The following CUEDC1 variants were observed in gnomAD, a reference collection of about 807,000 sequenced individuals.
CUEDC1 encodes CUE domain containing 1, also known as CUE domain-containing protein 1.
In CUEDC1, 30 loss-of-function variants were observed where a neutral mutation model predicts 43.7. The ratio of observed to expected loss-of-function variants is 0.69; its 90% CI spans 0.51 to 0.93. The LOEUF (loss-of-function observed/expected upper bound fraction) is 0.93, where lower values mean the gene tolerates loss of function less well. Among genes scored for constraint, CUEDC1 ranks in the 40% least tolerant of loss-of-function variants. The pLI is 0.00. For synonymous variants in CUEDC1, 223 were observed against 223.6 expected, an observed-to-expected ratio of 1.00 and a Z score of 0.02; for missense variants, 486 against 549.0, an observed-to-expected ratio of 0.89 and a Z score of 1.15.
At chr17:57,914,613 AG>A (rs747406491) in intron 1 of CUEDC1, among the ~76,000 whole-genome samples, 7 of 152,226 alleles carry the variant, frequency 4.6e-5, no homozygotes, top group Non-Finnish European at 1.0e-4. Context: ...GAAAAGGGAC[AG>A]GGATAATGCT....
intron 3 of CUEDC1, among the ~76,000 whole-genome samples, chr17:57,879,216 C>T (rs996367922): frequency 1.3e-5 from 2 of 152,136 alleles, no homozygotes; most frequent in East Asian, 3.9e-4. Context: ...CTTGACTCAG[C>T]AGGAAAGAGC....
In CUEDC1 at chr17:57,954,993, C is replaced by A. The variant is rs1242778548; in HGVS notation, c.-316+232G>T. Among the ~76,000 whole-genome samples, 1 of 151,458 alleles carries A rather than the reference C, an allele frequency of 6.6e-6. No homozygotes were observed. Among genetic ancestry groups the A allele is most frequent in the African/African-American group, 2.4e-5 (1 of 41,320 alleles). ...CCCGGGGCCCGGGATGAGGTGGGGG[C>A]TCGGGAAGGAAGGGCGGGCGGGGAC... On this transcript the variant is annotated intron_variant, in intron 1 of 10. Transcript: ENST00000577830. The surrounding 1 kb of genome is among the most constrained non-coding windows in gnomAD (Gnocchi z 4.3).
At chr17:57,888,182 C>T (rs1472650645) in intron 1 of CUEDC1, among the ~76,000 whole-genome samples, 1 of 152,188 alleles carries the variant, frequency 6.6e-6, no homozygotes, top group Non-Finnish European at 1.5e-5. Flanking sequence ...GGATTACAGG[C>T]GTGAGCCACT....
chr17:57,947,167 T>C (rs2143234390), intron 1 of CUEDC1, among the ~76,000 whole-genome samples: 1 of 149,874 alleles, frequency 6.7e-6, no homozygotes. Flanking sequence ...AAAAAAAAGC[T>C]TTGCAGTGCC....
chr17:57,875,620 C>T (rs1401383012), intron 3 of CUEDC1, among the ~76,000 whole-genome samples: 2 of 151,882 alleles, frequency 1.3e-5, no homozygotes, highest in African/African-American at 4.8e-5. Context: ...AACGGAAAAA[C>T]AGCAGGCGGC....
intron 4 of CUEDC1, among the ~76,000 whole-genome samples, 174 bp downstream of exon 4, chr17:57,873,417 G>A (rs1002859275): frequency 2.0e-5 from 3 of 152,216 alleles, no homozygotes; most frequent in Admixed American, 6.5e-5. Context: ...TCCAGGCCCA[G>A]GCAGGAAGTG....
In CUEDC1 at chr17:57,885,783, G is replaced by A; in HGVS notation, c.-219C>T. ...GCAGCCCTTGGAGAGCGGTCCTCGC[G>A]GGGCGGTGGCATGCGGGACCGGGCC... On this transcript the variant is annotated 5_prime_UTR_variant, in exon 2 of 11. Coordinates refer to ENST00000577830, the MANE Select transcript of CUEDC1 (RefSeq NM_001271875.2). 6 of 574,958 alleles carry A rather than the reference G, an allele frequency of 1.0e-5. No individual in the cohort carries two copies. The highest frequency in any genetic ancestry group is 4.6e-5 in the Admixed American group (1 of 21,632). 35.6% of individuals were successfully genotyped at this position (574,958 alleles called of 1,614,324 possible). A position where few individuals can be genotyped will look rare whatever the true frequency, so the allele number is the denominator to read the frequency against.
At position 57,885,340 on chromosome 17, in the gene CUEDC1, G is replaced by T. The variant is rs369316969; in HGVS notation, c.225C>A (p.Gly75=). The T allele has an allele frequency of 6.2e-7, 1 of 1,611,996 alleles. No homozygotes were observed. The highest frequency in any genetic ancestry group is 8.5e-7 in the Non-Finnish European group (1 of 1,179,686). ...IIECVLRANS[G]AVDATIDQLL... is the part of the protein sequence containing the mutation. ...GCTGGTCGATGGTGGCGTCCACAGC[G>T]CCGCTGTTGGCGCGCAGCACGCATT... The change falls in exon 2 of 11, where the codon GGC becomes GGA. Residue 75 remains glycine (G), a synonymous_variant. Transcript: ENST00000577830.
intron 1 of CUEDC1, among the ~76,000 whole-genome samples, chr17:57,932,281 C>CAAAAACAAAAAAAAA (rs2074812635): frequency 8.2e-6 from 1 of 121,946 alleles, no homozygotes; most frequent in Non-Finnish European, 1.6e-5. Flanking sequence ...CACTGTGTCT[C>CAAAAACAAAAAAAAA]AAAAAAAAAA....
chr17:57,925,997 A>G (rs2074743706), intron 1 of CUEDC1, among the ~76,000 whole-genome samples: 1 of 152,214 alleles, frequency 6.6e-6, no homozygotes, highest in Non-Finnish European at 1.5e-5. Context: ...GGAGGCCCCA[A>G]GCCCAGCTTA....
intron 1 of CUEDC1, among the ~76,000 whole-genome samples, chr17:57,952,218 A>AT (rs202108143): frequency 6.2e-5 from 9 of 145,246 alleles, no homozygotes; most frequent in South Asian, 2.1e-4. Context: ...ATTTTATTTT[A>AT]TTTATTTATT....
intron 1 of CUEDC1, among the ~76,000 whole-genome samples, chr17:57,937,973 T>C (rs954566042): frequency 6.6e-6 from 1 of 151,328 alleles, no homozygotes; most frequent in Non-Finnish European, 1.5e-5. Context: ...AGCCAAAAAA[T>C]AAAATAAAAT....
intron 1 of CUEDC1, among the ~76,000 whole-genome samples, chr17:57,938,674 ATTTT>A (rs1020359168): frequency 1.1e-4 from 16 of 151,584 alleles, no homozygotes; most frequent in Non-Finnish European, 1.3e-4. Context: ...TTATTTATTT[ATTTT>A]TAAGACAGAG....
Position 57,885,585 on chromosome 17 carries a change from A to G in CUEDC1, c.-21T>C. ...GTCATTTTGCGGAGCCGCTTGGGGA[A>G]AATGTTTCTAGCCGGCCGCAAAGCC... is the stretch of plus-strand genomic sequence containing the variant. On this transcript the variant is annotated 5_prime_UTR_variant, in exon 2 of 11. Coordinates refer to ENST00000577830, the MANE Select transcript of CUEDC1 (RefSeq NM_001271875.2). The G allele has an allele frequency of 7.4e-7, 1 of 1,343,818 alleles. No homozygotes were observed. The highest frequency in any genetic ancestry group is 9.5e-7 in the Non-Finnish European group (1 of 1,053,786). The allele number at this position is 1,343,818 out of a possible 1,614,324, so 83.2% of individuals were successfully genotyped here.
chr17:57,921,887 C>T (rs774997680), intron 1 of CUEDC1, among the ~76,000 whole-genome samples: 2 of 152,144 alleles, frequency 1.3e-5, no homozygotes, highest in African/African-American at 2.4e-5. Flanking sequence ...CCAAGATGGG[C>T]GTATCACTTG....
intron 1 of CUEDC1, among the ~76,000 whole-genome samples, chr17:57,889,744 A>G (rs1476022228): frequency 6.6e-6 from 1 of 152,238 alleles, no homozygotes; most frequent in Non-Finnish European, 1.5e-5. Context: ...TTTGATTACC[A>G]GAAGTACCAT....
intron 3 of CUEDC1, among the ~76,000 whole-genome samples, chr17:57,879,136 C>A (rs755155923): frequency 7.2e-5 from 11 of 152,208 alleles, no homozygotes; most frequent in Non-Finnish European, 1.5e-4. Flanking sequence ...TGGCAGCTAG[C>A]CATTCCATCA....
chr17:57,941,841 A>T (rs961219046), intron 1 of CUEDC1, among the ~76,000 whole-genome samples: 8 of 152,234 alleles, frequency 5.3e-5, no homozygotes, highest in Admixed American at 3.3e-4. Flanking sequence ...AACTATTAAC[A>T]GTAGCCACTG....
intron 1 of CUEDC1, chr17:57,922,265 T>C (rs1567718454): frequency 6.7e-6 from 1 of 150,032 alleles, no homozygotes; most frequent in Admixed American, 6.6e-5. Context: ...TGGGGTTCTC[T>C]GGCCCAAAAG....
Sources: gnomAD v4.1 joint callset for allele counts (sites outside exome capture counted in the v4.1 genomes callset) on GRCh38, gnomAD v4.1.1 for gene constraint, Gnocchi (gnomAD v3.1) non-coding constraint, MANE v1.5 for transcripts, NCBI Gene and HGNC (gene_info 2026-07-23, HGNC 2026-07-21) for gene names.